Variants in GALNT13 observed in about 807,000 individuals in gnomAD.
GALNT13 encodes polypeptide N-acetylgalactosaminyltransferase 13, also known as UDP-GalNAc:polypeptide N-acetylgalactosaminyltransferase 13.
A neutral mutation model predicts 64.2 loss-of-function variants in GALNT13; 28 were observed. The observed-to-expected ratio is 0.44, with a 90% CI of 0.32 to 0.60. The LOEUF (loss-of-function observed/expected upper bound fraction) is 0.60, where lower values mean the gene tolerates loss of function less well. Among genes scored for constraint, GALNT13 ranks in the 20% least tolerant of loss-of-function variants. The probability of loss-of-function intolerance (pLI) is 0.05; values close to 1 mark genes in which losing one functional copy is unlikely to be tolerated. For synonymous variants in GALNT13, 214 were observed against 224.6 expected, an observed-to-expected ratio of 0.95 and a Z score of 0.42; for missense variants, 577 against 669.8, an observed-to-expected ratio of 0.86 and a Z score of 1.53.
chr2:153,921,199 C>T lies in GALNT13; in HGVS notation c.-105+20192C>T, dbSNP rs1245915851. Reference sequence around the variant, plus strand: ...TGTATATTCATTGCAGCACCATTCACAATAGCAGACATGAAATCAACCTAA... The same window carrying T: ...TGTATATTCATTGCAGCACCATTCATAATAGCAGACATGAAATCAACCTAA... On this transcript the variant is annotated intron_variant, in intron 2 of 12. Transcript: ENST00000392825. Among the ~76,000 whole-genome samples, 4 of 152,052 alleles carry T rather than the reference C, an allele frequency of 2.6e-5. No homozygotes were observed. The East Asian group carries it at 7.7e-4, about 29-fold the overall frequency.
At chr2:153,163,394 T>C in the GALNT13 span, among the ~76,000 whole-genome samples, 1 of 152,178 alleles carries the variant, frequency 6.6e-6, no homozygotes, top group African/African-American at 2.4e-5. Context: ...GTTTCAGGAC[T>C]GCGTTATACT....
intron 8 of GALNT13, among the ~76,000 whole-genome samples, chr2:154,274,712 G>A (rs541580758): frequency 4.7e-4 from 71 of 152,228 alleles, no homozygotes; most frequent in African/African-American, 1.6e-3. Context: ...CCAGTCTTGG[G>A]TATGTCTTTA....
intron 4 of GALNT13, among the ~76,000 whole-genome samples, chr2:154,204,574 A>T (rs1471013111): frequency 2.0e-5 from 3 of 152,204 alleles, no homozygotes; most frequent in African/African-American, 7.2e-5. Context: ...TCCATCTTCC[A>T]CAGAGTTGCC....
chr2:153,314,522 A>C, the GALNT13 span, among the ~76,000 whole-genome samples: 3 of 152,182 alleles, frequency 2.0e-5, no homozygotes, highest in Non-Finnish European at 4.4e-5. Flanking sequence ...ATCCTTCCAA[A>C]ATACCATGTT....
At chr2:153,277,296 A>G in the GALNT13 span, among the ~76,000 whole-genome samples, 1 of 152,188 alleles carries the variant, frequency 6.6e-6, no homozygotes, top group Non-Finnish European at 1.5e-5. Flanking sequence ...ATAAATGAGA[A>G]CATGCTGTAT....
the GALNT13 span, among the ~76,000 whole-genome samples, chr2:153,238,353 A>G: frequency 2.6e-5 from 4 of 151,602 alleles, no homozygotes; most frequent in Admixed American, 6.6e-5. Flanking sequence ...CCATTTGTCC[A>G]TTTTCACTTT....
At chr2:153,332,674 T>G in the GALNT13 span, among the ~76,000 whole-genome samples, 1 of 152,254 alleles carries the variant, frequency 6.6e-6, no homozygotes, top group South Asian at 2.1e-4. Context: ...CTGATCCAGG[T>G]GAGCTGGTGC....
chr2:153,602,576 C>A, the GALNT13 span, among the ~76,000 whole-genome samples: 195 of 151,810 alleles, frequency 1.3e-3, 1 homozygote, highest in Non-Finnish European at 1.9e-3. Context: ...GTACAGAATC[C>A]TTGGATTAAG....
At chr2:154,202,507 A>G (rs1426128216) in intron 4 of GALNT13, among the ~76,000 whole-genome samples, 1 of 152,084 alleles carries the variant, frequency 6.6e-6, no homozygotes, top group African/African-American at 2.4e-5. Flanking sequence ...TTCTTTAGCC[A>G]TGGGCCAGGG....
intron 4 of GALNT13, among the ~76,000 whole-genome samples, chr2:154,164,691 C>T (rs1374227959): frequency 6.6e-6 from 1 of 151,980 alleles, no homozygotes; most frequent in Non-Finnish European, 1.5e-5. Flanking sequence ...TTGTAAGGAA[C>T]ATAAGAAAAC....
chr2:154,120,913 C>T (rs1010270629), intron 3 of GALNT13, among the ~76,000 whole-genome samples: 1 of 152,050 alleles, frequency 6.6e-6, no homozygotes, highest in Non-Finnish European at 1.5e-5. Context: ...TTGTTTCTGT[C>T]TGAGTCTGAG....
the GALNT13 span, chr2:153,478,000 C>T: frequency 3.7e-6 from 2 of 545,000 alleles, no homozygotes; most frequent in African/African-American, 1.9e-5. Flanking sequence ...CCCTAATCGC[C>T]CTCTTCTTGC....
the GALNT13 span, among the ~76,000 whole-genome samples, chr2:153,773,803 C>A: frequency 6.6e-6 from 1 of 152,194 alleles, no homozygotes; most frequent in Non-Finnish European, 1.5e-5. Context: ...CAACTTACAT[C>A]TAACTCACAG....
the GALNT13 span, among the ~76,000 whole-genome samples, chr2:153,444,951 T>A: frequency 2.0e-5 from 3 of 152,334 alleles, no homozygotes; most frequent in African/African-American, 7.2e-5. Flanking sequence ...ATTGAGTGTG[T>A]ATATTTAATG....
chr2:153,820,378 T>C, the GALNT13 span, among the ~76,000 whole-genome samples: 3 of 152,068 alleles, frequency 2.0e-5, no homozygotes, highest in Admixed American at 2.0e-4. Flanking sequence ...ACAAGAAATC[T>C]AGAGAACACC....
the GALNT13 span, among the ~76,000 whole-genome samples, chr2:153,684,985 CT>C: frequency 1.3e-4 from 19 of 148,876 alleles, 1 homozygote; most frequent in Admixed American, 6.1e-4. Flanking sequence ...GATATGAGCT[CT>C]TTTTTTTTTA....
intron 2 of GALNT13, among the ~76,000 whole-genome samples, chr2:153,917,127 C>A (rs953689425): frequency 1.6e-5 from 2 of 128,054 alleles, no homozygotes; most frequent in African/African-American, 5.7e-5. Flanking sequence ...TAATTCTGTG[C>A]ATTTTTTTTT....
intron 3 of GALNT13, among the ~76,000 whole-genome samples, chr2:153,956,904 T>C (rs1692606672): frequency 6.6e-6 from 1 of 152,192 alleles, no homozygotes. Context: ...TTAACAGTTT[T>C]ATGTAGACTA....
the GALNT13 span, among the ~76,000 whole-genome samples, chr2:153,839,038 A>G: frequency 6.6e-6 from 1 of 151,852 alleles, no homozygotes; most frequent in Non-Finnish European, 1.5e-5. Flanking sequence ...TTTGATATAA[A>G]TGGAATTATT....
Sources: gnomAD v4.1 joint callset for allele counts (sites outside exome capture counted in the v4.1 genomes callset) on GRCh38, gnomAD v4.1.1 for gene constraint, MANE v1.5 for transcripts, NCBI Gene and HGNC (gene_info 2026-07-23, HGNC 2026-07-21) for gene names.